TXNDC5: variants seen among roughly 807,000 people sequenced by gnomAD.
TXNDC5 encodes thioredoxin domain containing 5.
In TXNDC5, 44 loss-of-function variants were observed where a neutral mutation model predicts 52.6. The ratio of observed to expected loss-of-function variants is 0.84; its 90% confidence interval spans 0.66 to 1.08. The LOEUF is 1.08. TXNDC5 is among the 50% of genes least tolerant of loss of function. TXNDC5 has a pLI of 0.00. For synonymous variants in TXNDC5, 241 were observed against 234.4 expected, an observed-to-expected ratio of 1.03 and a Z score of -0.26; for missense variants, 600 against 565.5, an observed-to-expected ratio of 1.06 and a Z score of -0.62.
intron 7 of TXNDC5, among the ~76,000 whole-genome samples, chr6:7,888,318 G>A (rs1241134710): frequency 1.3e-5 from 2 of 152,170 alleles, no homozygotes; most frequent in East Asian, 1.9e-4. Context: ...AATGCCCGGA[G>A]CAAGGTCAGG....
intron 1 of TXNDC5, among the ~76,000 whole-genome samples, chr6:7,907,949 C>G (rs1329555400): frequency 6.6e-6 from 1 of 152,176 alleles, no homozygotes; most frequent in East Asian, 1.9e-4. Flanking sequence ...ATCATAGAAA[C>G]CCACATATCT....
intron 1 of TXNDC5, among the ~76,000 whole-genome samples, chr6:7,905,075 T>C (rs756609513): frequency 2.2e-4 from 33 of 152,222 alleles, no homozygotes; most frequent in Non-Finnish European, 4.4e-5. Flanking sequence ...GCATCTGCAG[T>C]GTTCCCAAAG....
intron 2 of TXNDC5, 139 bp downstream of exon 2, chr6:7,904,435 T>A: frequency 9.1e-7 from 1 of 1,100,336 alleles, no homozygotes; most frequent in Non-Finnish European, 1.3e-6. Flanking sequence ...AGACACAGCA[T>A]TAAATGCAGT....
chr6:7,903,856 G>C (rs1760648860), intron 2 of TXNDC5, among the ~76,000 whole-genome samples: 1 of 152,152 alleles, frequency 6.6e-6, no homozygotes, highest in South Asian at 2.1e-4. Context: ...ATAAGCTCCT[G>C]TTTCCCTGGC....
At chr6:7,908,459 A>C (rs921877796) in intron 1 of TXNDC5, among the ~76,000 whole-genome samples, 1 of 151,988 alleles carries the variant, frequency 6.6e-6, no homozygotes, top group Non-Finnish European at 1.5e-5. Context: ...CAAAGATTCT[A>C]AACTTAAAAT....
At chr6:7,904,434 A>C in intron 2 of TXNDC5, 140 bp downstream of exon 2, 1 of 1,099,778 alleles carries the variant, frequency 9.1e-7, no homozygotes, top group South Asian at 1.6e-5. Context: ...CAGACACAGC[A>C]TTAAATGCAG....
At chr6:7,893,711 GA>G (rs1463997007) in intron 4 of TXNDC5, among the ~76,000 whole-genome samples, 17 of 152,228 alleles carry the variant, frequency 1.1e-4, no homozygotes, top group African/African-American at 4.1e-4. Context: ...GCAAAAGTGG[GA>G]AAAGGCTGAA....
chr6:7,885,340 C>T (rs1759928218), intron 8 of TXNDC5, among the ~76,000 whole-genome samples: 1 of 152,142 alleles, frequency 6.6e-6, no homozygotes. Context: ...GCTGAGGGAA[C>T]TGGGGTTCAA....
chr6:7,892,952 C>T (rs1018714510), intron 4 of TXNDC5, among the ~76,000 whole-genome samples: 1 of 152,208 alleles, frequency 6.6e-6, no homozygotes, highest in African/African-American at 2.4e-5. Flanking sequence ...GGGAAGCTGG[C>T]AGTTTTATTT....
chr6:7,887,348 T>C (rs1428285049), intron 7 of TXNDC5, among the ~76,000 whole-genome samples: 1 of 152,176 alleles, frequency 6.6e-6, no homozygotes, highest in Non-Finnish European at 1.5e-5. Flanking sequence ...GAACTGCCAC[T>C]GGACACTGCC....
intron 4 of TXNDC5, among the ~76,000 whole-genome samples, chr6:7,892,467 T>C (rs1760228864): frequency 6.6e-6 from 1 of 152,226 alleles, no homozygotes; most frequent in African/African-American, 2.4e-5. Context: ...CACATACACA[T>C]ATAGAACTAT....
intron 9 of TXNDC5, among the ~76,000 whole-genome samples, chr6:7,884,052 G>C (rs1759865458): frequency 6.6e-6 from 1 of 152,230 alleles, no homozygotes. Flanking sequence ...CAATCATCAA[G>C]AGTCGCGGTG....
At chr6:7,888,589 G>T in intron 7 of TXNDC5, 116 bp downstream of exon 7, 1 of 1,327,786 alleles carries the variant, frequency 7.5e-7, no homozygotes, top group Non-Finnish European at 1.0e-6. Context: ...TCAGATGACT[G>T]TGTCCCCAAA....
chr6:7,894,774 A>G (rs1481022258), intron 4 of TXNDC5: 2 of 985,366 alleles, frequency 2.0e-6, no homozygotes, highest in Non-Finnish European at 2.4e-6. Flanking sequence ...AAAAAAATGC[A>G]GTATCTCCAA....
chr6:7,910,434 C>T (rs1249862018), intron 1 of TXNDC5, 80 bp downstream of exon 1: 1 of 1,253,868 alleles, frequency 8.0e-7, no homozygotes, highest in Admixed American at 4.6e-5. Flanking sequence ...GCCCCGGGAC[C>T]CCCCGCCCGC....
At chr6:7,902,248 G>A (rs1760594554) in intron 2 of TXNDC5, among the ~76,000 whole-genome samples, 1 of 152,132 alleles carries the variant, frequency 6.6e-6, no homozygotes, top group Non-Finnish European at 1.5e-5. Context: ...TATTGTTTCT[G>A]GCCACCCGGT....
At chr6:7,886,145 G>T in intron 7 of TXNDC5, 102 bp from the exon 8 acceptor site, 2 of 982,372 alleles carry the variant, frequency 2.0e-6, no homozygotes, top group Non-Finnish European at 3.1e-6. Flanking sequence ...TTTTAAAAAT[G>T]CAGTTACGTA....
In TXNDC5 at chr6:7,884,488, C is replaced by T; in HGVS notation, c.1047G>A (p.Trp349Ter). Residue 349 changes from tryptophan (W) to a stop codon, truncating the protein, a stop_gained and splice_region_variant, in exon 9 of 10, where the codon TGG (tryptophan) becomes TGA (stop). Coordinates refer to ENST00000379757, the MANE Select transcript of TXNDC5 (RefSeq NM_030810.5). LOFTEE classifies it high-confidence loss of function. ...GITFIKFYAP[W>*]CGHCKTLAPT... ...GAGCCAGAGTCTTACAATGACCACACCTAAGACGAGAAAAATGGCAGCTTC... is the reference window on the plus strand; with the variant it reads ...GAGCCAGAGTCTTACAATGACCACATCTAAGACGAGAAAAATGGCAGCTTC... 2 of 1,614,046 alleles carry T rather than the reference C, an allele frequency of 1.2e-6. No individual in the cohort carries two copies. Among genetic ancestry groups the T allele is most frequent in the African/African-American group, 1.3e-5 (1 of 75,038 alleles).
intron 7 of TXNDC5, among the ~76,000 whole-genome samples, chr6:7,886,833 C>T (rs1044380606): frequency 5.9e-5 from 9 of 152,156 alleles, no homozygotes; most frequent in African/African-American, 2.2e-4. Flanking sequence ...AGTCTGGCAT[C>T]GAGTAACATG....
Sources: allele counts gnomAD v4.1 joint callset (sites outside exome capture counted in the v4.1 genomes callset), GRCh38; gene constraint gnomAD v4.1.1; transcripts MANE v1.5; gene names NCBI Gene and HGNC (gene_info 2026-07-23, HGNC 2026-07-21).